AUH: variants seen among roughly 807,000 people sequenced by gnomAD.
The protein encoded by AUH is methylglutaconyl-CoA hydratase, mitochondrial.
AUH carries 29 observed loss-of-function variants against 42.3 expected under a neutral mutation model. That is an observed-to-expected ratio of 0.69 (90% confidence interval 0.51 to 0.93). The LOEUF (loss-of-function observed/expected upper bound fraction) is 0.93. Ranked by LOEUF, AUH falls within the 40% of genes least tolerant of loss-of-function variation. AUH has a pLI of 0.00. For missense variants in AUH, 452 were observed against 438.1 expected (o/e 1.03, Z -0.28); for synonymous variants, 174 against 166.4 (o/e 1.05, Z -0.35).
chr9:91,334,837 C>T (rs1381397595), intron 3 of AUH, among the ~76,000 whole-genome samples: 1 of 152,120 alleles, frequency 6.6e-6, no homozygotes, highest in Non-Finnish European at 1.5e-5. Context: ...GGTGCCAATT[C>T]GAACACCCTG....
intron 4 of AUH, among the ~76,000 whole-genome samples, chr9:91,305,769 A>G (rs923353958): frequency 5.3e-5 from 8 of 152,174 alleles, no homozygotes; most frequent in Admixed American, 1.3e-4. Context: ...TAGATGACAC[A>G]CTGAGGCACA....
chr9:91,291,926 A>ATC (rs1176940357), intron 6 of AUH, among the ~76,000 whole-genome samples: 41 of 109,116 alleles, frequency 3.8e-4, no homozygotes, highest in African/African-American at 1.9e-4. Flanking sequence ...CCGTGTCAAA[A>ATC]AAAAAAAAAA....
intron 4 of AUH, among the ~76,000 whole-genome samples, chr9:91,313,379 C>T (rs1051851312): frequency 2.6e-5 from 4 of 152,128 alleles, no homozygotes; most frequent in African/African-American, 7.2e-5. Context: ...CCTCCCAAGA[C>T]AAAAATAAGC....
At chr9:91,300,097 A>G (rs1181894070) in intron 4 of AUH, among the ~76,000 whole-genome samples, 1 of 149,748 alleles carries the variant, frequency 6.7e-6, no homozygotes, top group Non-Finnish European at 1.5e-5. Context: ...GATCAGAGAC[A>G]TCCATCCTGG....
At chr9:91,344,999 A>G (rs1381122916) in intron 3 of AUH, among the ~76,000 whole-genome samples, 1 of 146,702 alleles carries the variant, frequency 6.8e-6, no homozygotes, top group African/African-American at 2.5e-5. Flanking sequence ...AAAATTCAAT[A>G]CATGTTCATG....
chr9:91,287,382 G>A (rs1826502089), intron 6 of AUH, among the ~76,000 whole-genome samples: 1 of 152,120 alleles, frequency 6.6e-6, no homozygotes, highest in Non-Finnish European at 1.5e-5. Context: ...CCAACTAAAT[G>A]CAACGTGGAG....
At chr9:91,283,003 C>A (rs1386381718) in intron 6 of AUH, among the ~76,000 whole-genome samples, 2 of 152,106 alleles carry the variant, frequency 1.3e-5, no homozygotes, top group East Asian at 3.9e-4. Flanking sequence ...GGCAGAGACA[C>A]CACAAAGAAA....
chr9:91,278,982 A>C (rs980671845), intron 6 of AUH, among the ~76,000 whole-genome samples: 7 of 152,220 alleles, frequency 4.6e-5, no homozygotes, highest in Non-Finnish European at 7.4e-5. Flanking sequence ...AAAGCAGTTC[A>C]GTGGTGGCAT....
At chr9:91,348,281 G>A (rs560227899) in intron 3 of AUH, among the ~76,000 whole-genome samples, 1 of 152,264 alleles carries the variant, frequency 6.6e-6, no homozygotes, top group African/African-American at 2.4e-5. Flanking sequence ...GTAAGCATGT[G>A]GAACGCCTGA....
chr9:91,300,135 A>T (rs780403226), intron 4 of AUH, among the ~76,000 whole-genome samples: 1 of 152,040 alleles, frequency 6.6e-6, no homozygotes, highest in African/African-American at 2.4e-5. Flanking sequence ...TCCTCCCTTC[A>T]CTGCCTGCTG....
chr9:91,315,231 G>A (rs1019846697), intron 4 of AUH, among the ~76,000 whole-genome samples: 4 of 152,244 alleles, frequency 2.6e-5, no homozygotes, highest in Admixed American at 2.0e-4. Context: ...GAGCCACCGC[G>A]CCCAGCCCTC....
chr9:91,322,213 G>T (rs1829633063), intron 4 of AUH, among the ~76,000 whole-genome samples: 1 of 152,122 alleles, frequency 6.6e-6, no homozygotes, highest in Non-Finnish European at 1.5e-5. Context: ...GACAGAAAGA[G>T]TTCCAGAAAA....
intron 6 of AUH, among the ~76,000 whole-genome samples, chr9:91,233,874 C>G (rs1164638570): frequency 6.6e-6 from 1 of 152,074 alleles, no homozygotes; most frequent in Non-Finnish European, 1.5e-5. Flanking sequence ...GCATAAGAAC[C>G]CTCTTTTCAT....
rs115390739 is a variant in AUH at position 91,257,659 on chromosome 9, G to A, written c.656-36667C>T. On this transcript the variant is annotated intron_variant, in intron 6 of 9. Coordinates refer to ENST00000375731, the MANE Select transcript of AUH (RefSeq NM_001698.3). ...TTTGTTCCATGGCTCTGTTATGTCT[G>A]TTCTCACACTAGTATCCTGGTGTCT... Among the ~76,000 whole-genome samples the A allele has an allele frequency of 6.6e-3, 1,008 of 152,304 alleles. 9 individuals carry two copies. Among genetic ancestry groups the A allele is most frequent in the African/African-American group, 0.023 (952 of 41,562 alleles).
chr9:91,290,407 C>T (rs1182520624), intron 6 of AUH, among the ~76,000 whole-genome samples: 1 of 151,978 alleles, frequency 6.6e-6, no homozygotes, highest in Non-Finnish European at 1.5e-5. Flanking sequence ...CAAGCAAGAC[C>T]CTGTCTCCAA....
chr9:91,222,126 C>T (rs1223504175), intron 6 of AUH, among the ~76,000 whole-genome samples: 1 of 152,044 alleles, frequency 6.6e-6, no homozygotes, highest in Non-Finnish European at 1.5e-5. Context: ...TAGTTAGCAA[C>T]ATTTAAAACT....
intron 4 of AUH, among the ~76,000 whole-genome samples, chr9:91,299,568 A>G (rs1827624080): frequency 6.6e-6 from 1 of 152,186 alleles, no homozygotes; most frequent in African/African-American, 2.4e-5. Context: ...GACAAATTCA[A>G]AATGTGCTTT....
chr9:91,302,416 C>T lies in AUH; in HGVS notation c.506-4340G>A, dbSNP rs988952819. Among the ~76,000 whole-genome samples, 5 of 151,982 alleles carry T rather than the reference C, an allele frequency of 3.3e-5. No homozygotes were observed. In the East Asian group the frequency reaches 9.6e-4, roughly 29 times the overall value. ...ACCAGCCTGACCAACATAGAGAAAC[C>T]CCATCTCTACTAAAAATACAAAATT... On this transcript the variant is annotated intron_variant, in intron 4 of 9. Transcript: ENST00000375731.
intron 6 of AUH, among the ~76,000 whole-genome samples, chr9:91,222,877 T>C (rs1486887628): frequency 2.0e-5 from 3 of 152,200 alleles, no homozygotes; most frequent in Non-Finnish European, 4.4e-5. Flanking sequence ...GTGACCCACA[T>C]TGTTAATGTC....
Sources: allele counts gnomAD v4.1 joint callset (sites outside exome capture counted in the v4.1 genomes callset), GRCh38; gene constraint gnomAD v4.1.1; transcripts MANE v1.5; gene names NCBI Gene and HGNC (gene_info 2026-07-23, HGNC 2026-07-21).